Variants in C3orf20 observed in about 807,000 individuals in gnomAD.
The protein encoded by C3orf20 is uncharacterized protein C3orf20.
In C3orf20, 76 loss-of-function variants were observed where a neutral mutation model predicts 88.3. The observed-to-expected ratio is 0.86, with a 90% confidence interval of 0.72 to 1.04. The LOEUF is 1.04. Among genes scored for constraint, C3orf20 ranks in the 50% least tolerant of loss-of-function variants. C3orf20 has a pLI of 0.00. For synonymous variants in C3orf20, 436 were observed against 437.4 expected (o/e 1.00, Z 0.04); for missense variants, 1,056 against 1,123.3 (o/e 0.94, Z 0.86).
intron 13 of C3orf20, among the ~76,000 whole-genome samples, chr3:14,757,909 A>G (rs1454027466): frequency 6.6e-6 from 1 of 152,204 alleles, no homozygotes; most frequent in Non-Finnish European, 1.5e-5. Flanking sequence ...TCACCACATA[A>G]GGGCCAGGCC....
At chr3:14,697,952 C>T (rs1247443172) in intron 5 of C3orf20, among the ~76,000 whole-genome samples, 2 of 152,190 alleles carry the variant, frequency 1.3e-5, no homozygotes, top group Non-Finnish European at 2.9e-5. Flanking sequence ...TTAATCCAGT[C>T]TATCACTGAT....
rs763200604 is a variant in C3orf20, at chr3:14,703,231, C to T, written c.847C>T (p.Arg283Trp). 41 of 1,614,026 alleles carry T rather than the reference C, an allele frequency of 2.5e-5. No individual in the cohort carries two copies. Among genetic ancestry groups the T allele is most frequent in the South Asian group, 9.9e-5 (9 of 91,082 alleles). ...LEFSDPCPEA[R>W]EKLQELCRHI... is the part of the protein sequence containing the mutation. ...GTTCAGCGACCCCTGCCCTGAGGCC[C>T]GGGAGAAGCTGCAGGAGTTGTGTCG... Residue 283 changes from arginine to tryptophan, a missense_variant, in exon 6 of 17, where the codon CGG (arginine) becomes TGG (tryptophan). Coordinates refer to ENST00000253697, the MANE Select transcript of C3orf20 (RefSeq NM_032137.5).
At chr3:14,757,234 G>A (rs2035399639) in intron 12 of C3orf20, 137 bp from the exon 13 acceptor site, 3 of 694,356 alleles carry the variant, frequency 4.3e-6, no homozygotes, top group East Asian at 2.7e-5. Context: ...TCAAGGTGGT[G>A]CAGCACATTG....
At chr3:14,725,092 C>T (rs2034301633) in intron 10 of C3orf20, among the ~76,000 whole-genome samples, 2 of 152,198 alleles carry the variant, frequency 1.3e-5, no homozygotes, top group Admixed American at 1.3e-4. Flanking sequence ...AGCATGTGTA[C>T]TATGTATGAC....
chr3:14,710,321 T>C (rs2124950380), intron 7 of C3orf20, among the ~76,000 whole-genome samples: 1 of 152,224 alleles, frequency 6.6e-6, no homozygotes, highest in African/African-American at 2.4e-5. Flanking sequence ...TTGTTGGTTC[T>C]ATTTTTCTAT....
At chr3:14,749,996 G>GAA (rs35932310) in intron 12 of C3orf20, among the ~76,000 whole-genome samples, 40,786 of 145,908 alleles carry the variant, frequency 0.28, 6,130 homozygotes, top group South Asian at 0.44. Context: ...AAATCATACA[G>GAA]AAAAAAAAAA....
intron 12 of C3orf20, among the ~76,000 whole-genome samples, chr3:14,750,860 T>C (rs2035200005): frequency 6.6e-6 from 1 of 152,180 alleles, no homozygotes; most frequent in Non-Finnish European, 1.5e-5. Flanking sequence ...TGGGAGAGTT[T>C]TAGGCAATTA....
intron 12 of C3orf20, among the ~76,000 whole-genome samples, chr3:14,731,805 C>G (rs1283131812): frequency 6.6e-6 from 1 of 152,182 alleles, no homozygotes; most frequent in Non-Finnish European, 1.5e-5. Context: ...ATAAGTTCTT[C>G]TAAAGATAAC....
chr3:14,760,851 G>T (rs535364104), intron 14 of C3orf20, among the ~76,000 whole-genome samples: 1 of 151,820 alleles, frequency 6.6e-6, no homozygotes, highest in Non-Finnish European at 1.5e-5. Flanking sequence ...CTTGTGATCC[G>T]CCCACCTTGA....
intron 8 of C3orf20, 25 bp downstream of exon 8, chr3:14,714,184 T>C: frequency 6.2e-7 from 1 of 1,611,442 alleles, no homozygotes; most frequent in South Asian, 1.1e-5. Context: ...AGAGTACTAG[T>C]CACACGGAAG....
At chr3:14,726,647 T>C (rs777449526) in intron 10 of C3orf20, among the ~76,000 whole-genome samples, 1 of 152,110 alleles carries the variant, frequency 6.6e-6, no homozygotes, top group African/African-American at 2.4e-5. Flanking sequence ...TTGAGCATGA[T>C]GAGAGTTCAA....
intron 8 of C3orf20, 79 bp from the exon 9 acceptor site, chr3:14,715,210 C>A (rs1221369607): frequency 1.9e-6 from 3 of 1,544,568 alleles, no homozygotes; most frequent in Non-Finnish European, 2.6e-6. Context: ...TCTTACAGAC[C>A]TGTCTGCCCA....
At chr3:14,697,085 C>T (rs766073887) in intron 5 of C3orf20, among the ~76,000 whole-genome samples, 15 of 152,108 alleles carry the variant, frequency 9.9e-5, no homozygotes, top group Middle Eastern at 3.2e-3. Context: ...TTTTCTCTTG[C>T]TGCTTTTAGG....
intron 12 of C3orf20, among the ~76,000 whole-genome samples, chr3:14,736,676 C>T (rs547889683): frequency 1.3e-5 from 2 of 151,640 alleles, no homozygotes; most frequent in East Asian, 3.9e-4. Context: ...AAGTGATTCT[C>T]GTGCCTCAGC....
rs565505925 is a variant in C3orf20, at chr3:14,762,318, C to T, written c.2495+703C>T. Among the ~76,000 whole-genome samples, 14 of 152,356 alleles carry T rather than the reference C, an allele frequency of 9.2e-5. No individual in the cohort carries two copies. The South Asian group carries it at 1.9e-3, about 20-fold the overall frequency. On this transcript the variant is annotated intron_variant, in intron 15 of 16. Transcript: ENST00000253697. ...AACCAGGTGATGCCAACTTGTTGAG[C>T]ACCTCCTGGGCCCAGCTCTCGTGAG...
chr3:14,683,070 C>T lies in C3orf20; in HGVS notation c.357C>T (p.Leu119=), dbSNP rs1365918467. Residue 119 remains leucine, a synonymous_variant, in exon 3 of 17, where the codon CTC becomes CTT. Transcript: ENST00000253697. ...CTGGGGCAGCCAAGCGCTCCACCCT[C>T]TCTCCCACCATGGCCCGTCAGGTGC... The part of the protein sequence containing the change: ...ATTGAAKRST[L]SPTMARQVRT... 6.2e-7 allele frequency: 1 copy of T among 1,611,788 alleles called. No homozygotes were observed.
intron 9 of C3orf20, among the ~76,000 whole-genome samples, chr3:14,716,217 CCAAT>C (rs1473927733): frequency 1.3e-5 from 2 of 152,118 alleles, no homozygotes; most frequent in Non-Finnish European, 2.9e-5. Context: ...TTGAGAATCA[CCAAT>C]CAGAGATTGG....
intron 12 of C3orf20, among the ~76,000 whole-genome samples, chr3:14,733,090 A>G (rs1575136780): frequency 1.3e-5 from 2 of 152,148 alleles, no homozygotes; most frequent in East Asian, 3.8e-4. Flanking sequence ...ATTTGATCAT[A>G]ATGTATTATT....
At chr3:14,695,229 T>C (rs112609449) in intron 5 of C3orf20, among the ~76,000 whole-genome samples, 24,082 of 152,172 alleles carry the variant, frequency 0.16, 2,144 homozygotes, top group Non-Finnish European at 0.2. Context: ...AATTTCCTTC[T>C]TAATTTCTTC....
Sources: gnomAD v4.1 joint callset for allele counts (sites outside exome capture counted in the v4.1 genomes callset) on GRCh38, gnomAD v4.1.1 for gene constraint, MANE v1.5 for transcripts, NCBI Gene and HGNC (gene_info 2026-07-23, HGNC 2026-07-21) for gene names.